PEX14: variants seen among roughly 807,000 people sequenced by gnomAD.
PEX14 encodes peroxisomal biogenesis factor 14, also known as peroxisomal membrane protein PEX14.
A neutral mutation model predicts 49.5 loss-of-function variants in PEX14; 15 were observed. The ratio of observed to expected loss-of-function variants is 0.30; its 90% confidence interval spans 0.20 to 0.47. The LOEUF (loss-of-function observed/expected upper bound fraction) is 0.47, where lower values mean the gene tolerates loss of function less well. Ranked by LOEUF, PEX14 falls within the 20% of genes least tolerant of loss-of-function variation. The pLI, the probability that PEX14 is intolerant of heterozygous loss-of-function variation, is 1.00. For synonymous variants in PEX14, 210 were observed against 212.7 expected (o/e 0.99, Z 0.11); for missense variants, 398 against 494.8 (o/e 0.80, Z 1.86).
intron 2 of PEX14, among the ~76,000 whole-genome samples, chr1:10,506,230 TG>T (rs1641780374): frequency 6.6e-6 from 1 of 152,146 alleles, no homozygotes; most frequent in South Asian, 2.1e-4. Flanking sequence ...TGTCAACAGG[TG>T]AACTAAGAGT....
At chr1:10,559,582 C>T (rs1339241562) in intron 3 of PEX14, among the ~76,000 whole-genome samples, 1 of 152,196 alleles carries the variant, frequency 6.6e-6, no homozygotes, top group African/African-American at 2.4e-5. Flanking sequence ...TCCATTGCCA[C>T]GGCTGCTGCA....
At chr1:10,536,640 C>G in intron 3 of PEX14, 1 of 311,280 alleles carries the variant, frequency 3.2e-6, no homozygotes, top group South Asian at 3.6e-5. Flanking sequence ...TGCAGGATGA[C>G]TAGCTTAGGT....
chr1:10,577,855 C>T (rs1408383380), intron 3 of PEX14, among the ~76,000 whole-genome samples: 1 of 150,936 alleles, frequency 6.6e-6, no homozygotes, highest in African/African-American at 2.4e-5. Flanking sequence ...CTATACCCAG[C>T]CTGGACACAG....
chr1:10,607,943 C>G (rs1459018622), intron 4 of PEX14, among the ~76,000 whole-genome samples: 1 of 152,114 alleles, frequency 6.6e-6, no homozygotes, highest in African/African-American at 2.4e-5. Context: ...AAGACTTTGT[C>G]TATTCCAAGG....
At chr1:10,493,330 T>C (rs563711824) in intron 1 of PEX14, among the ~76,000 whole-genome samples, 1 of 152,124 alleles carries the variant, frequency 6.6e-6, no homozygotes, top group South Asian at 2.1e-4. Context: ...CCAGCACTGA[T>C]GAGAAAGCTG....
intron 3 of PEX14, among the ~76,000 whole-genome samples, chr1:10,598,876 CCT>C (rs111591964): frequency 0.09 from 12,658 of 140,352 alleles, 713 homozygotes; most frequent in South Asian, 0.17. Context: ...AGTTTTTTCC[CCT>C]CTTTTTTTTT....
intron 3 of PEX14, among the ~76,000 whole-genome samples, chr1:10,548,326 G>A (rs1464665569): frequency 6.6e-6 from 1 of 152,228 alleles, no homozygotes; most frequent in Non-Finnish European, 1.5e-5. Context: ...AGACAAGAGA[G>A]TTTCCACCAA....
At chr1:10,594,183 TA>T (rs1557863892) in intron 3 of PEX14, among the ~76,000 whole-genome samples, 2 of 152,204 alleles carry the variant, frequency 1.3e-5, no homozygotes, top group African/African-American at 4.8e-5. Context: ...TAAAATAAAA[TA>T]AAAATACTTT....
intron 2 of PEX14, among the ~76,000 whole-genome samples, chr1:10,509,265 C>T (rs1277931733): frequency 6.6e-6 from 1 of 152,160 alleles, no homozygotes; most frequent in Non-Finnish European, 1.5e-5. Flanking sequence ...GCCTCTTAAC[C>T]TCACCTCTCC....
chr1:10,581,378 C>T (rs1640312051), intron 3 of PEX14, among the ~76,000 whole-genome samples: 1 of 148,866 alleles, frequency 6.7e-6, no homozygotes, highest in African/African-American at 2.5e-5. Flanking sequence ...GCAATCTCGG[C>T]TCACTGCAAC....
At position 10,613,580 on chromosome 1, in the gene PEX14, T is replaced by C. The variant is rs1210729143; in HGVS notation, c.299-4752T>C. The stretch of plus-strand genomic sequence containing the variant: ...ACCACAGATGCCCGTCTCTTCAGCC[T>C]TCACAGAGATGCCAGGGCTTTGGTA... On this transcript the variant is annotated intron_variant, in intron 4 of 8. Coordinates refer to ENST00000356607, the MANE Select transcript of PEX14 (RefSeq NM_004565.3). This position sits in a 1 kb window ranked among gnomAD's most constrained non-coding sequence, Gnocchi z 5.0. 6.6e-6 allele frequency among the ~76,000 whole-genome samples: 1 copy of C among 152,178 alleles called. No individual in the cohort carries two copies. The highest frequency in any genetic ancestry group is 6.5e-5 in the Admixed American group (1 of 15,278).
intron 2 of PEX14, among the ~76,000 whole-genome samples, chr1:10,520,400 C>T (rs562003342): frequency 6.6e-6 from 1 of 152,120 alleles, no homozygotes; most frequent in South Asian, 2.1e-4. Flanking sequence ...CTCAAGTGAT[C>T]CTCCCACCTT....
intron 1 of PEX14, among the ~76,000 whole-genome samples, chr1:10,493,163 A>G (rs1641500620): frequency 6.6e-6 from 1 of 152,172 alleles, no homozygotes; most frequent in Admixed American, 6.5e-5. Flanking sequence ...GAGGCCTTGT[A>G]GGCCACGCTG....
In PEX14 at chr1:10,520,161, TTG is replaced by T. The variant is rs1553185432; in HGVS notation, c.85-16050_85-16049del. ...GGCCTTCTTCTTCTTTTTTTTTTTT[TTG>T]TTTTTTTAACTAGAGACAAGGTCTC... On this transcript the variant is annotated intron_variant, in intron 2 of 8. Transcript: ENST00000356607. Among the ~76,000 whole-genome samples the T allele has an allele frequency of 7.3e-3, 736 of 100,928 alleles. 36 individuals are homozygous for T. Among genetic ancestry groups the T allele is most frequent in the African/African-American group, 0.019 (569 of 29,348 alleles). The allele number at this position is 100,928 out of a possible 152,430, so 66.2% of individuals were successfully genotyped here. A position where few individuals can be genotyped will look rare whatever the true frequency, so the allele number is the denominator to read the frequency against.
At chr1:10,524,884 T>G (rs1472796229) in intron 2 of PEX14, among the ~76,000 whole-genome samples, 8 of 151,934 alleles carry the variant, frequency 5.3e-5, no homozygotes, top group Admixed American at 5.2e-4. Flanking sequence ...AACAATGGAG[T>G]CTCGTTATGT....
At chr1:10,612,895 C>G (rs1641311185) in intron 4 of PEX14, among the ~76,000 whole-genome samples, 2 of 152,236 alleles carry the variant, frequency 1.3e-5, no homozygotes, top group South Asian at 4.1e-4. Context: ...TGGCTCCAAC[C>G]CTGATGAGCC....
intron 3 of PEX14, among the ~76,000 whole-genome samples, chr1:10,545,392 T>G (rs1570243691): frequency 6.6e-6 from 1 of 152,234 alleles, no homozygotes; most frequent in Non-Finnish European, 1.5e-5. Flanking sequence ...TTTAACATTT[T>G]AAGAAACTTC....
Position 10,535,985 on chromosome 1 carries a change from G to T in PEX14, c.85-228G>T, listed in dbSNP as rs1638791097. The T allele has an allele frequency of 5.8e-6, 3 of 518,234 alleles. No homozygotes were observed. The South Asian group carries it at 5.9e-5, about 10-fold the overall frequency. 32.1% of individuals were successfully genotyped at this position (518,234 alleles called of 1,614,324 possible). On this transcript the variant is annotated intron_variant, in intron 2 of 8. Transcript: ENST00000356607. ...AGGATCGTCGCAGGCCTGAAGCTCG[G>T]CAGAGGGATTAGATTTGACAGACTC...
In PEX14 at chr1:10,611,543, A is replaced by C. The variant is rs115743343; in HGVS notation, c.299-6789A>C. On this transcript the variant is annotated intron_variant, in intron 4 of 8. Coordinates refer to ENST00000356607, the MANE Select transcript of PEX14 (RefSeq NM_004565.3). ...TTAGTCACATGTTAGGTCCATGTTT[A>C]ACTTTAAAAGAAACTGTCAAACTAT... Among the ~76,000 whole-genome samples the C allele has an allele frequency of 1.9e-3, 297 of 152,336 alleles. 1 individual carries two copies. The highest frequency in any genetic ancestry group is 3.4e-3 in the Middle Eastern group (1 of 294).
Sources: allele counts gnomAD v4.1 joint callset (sites outside exome capture counted in the v4.1 genomes callset), GRCh38; gene constraint gnomAD v4.1.1; non-coding constraint Gnocchi (gnomAD v3.1); transcripts MANE v1.5; gene names NCBI Gene and HGNC (gene_info 2026-07-23, HGNC 2026-07-21).